DNAH8: variants seen among roughly 807,000 people sequenced by gnomAD.
DNAH8 encodes axonemal beta dynein heavy chain 8.
Under a neutral mutation model 562.1 loss-of-function variants are expected in DNAH8, and 382 were observed. The observed-to-expected ratio is 0.68, with a 90% CI of 0.63 to 0.74. The LOEUF (loss-of-function observed/expected upper bound fraction) is 0.74, where lower values mean the gene tolerates loss of function less well. DNAH8 is among the 30% of genes least tolerant of loss of function. DNAH8 has a pLI of 0.00. For missense variants in DNAH8, 5,203 were observed against 5,620.4 expected (o/e 0.93, Z 2.37); for synonymous variants, 1,881 against 1,919.4 (o/e 0.98, Z 0.52).
chr6:38,881,082 T>C (rs1449882505), intron 53 of DNAH8, among the ~76,000 whole-genome samples: 1 of 151,868 alleles, frequency 6.6e-6, no homozygotes, highest in Non-Finnish European at 1.5e-5. Flanking sequence ...GCCACTGGAA[T>C]GTCTACAGTT....
In DNAH8 at chr6:38,908,025, G is replaced by A. The variant is rs765343481; in HGVS notation, c.9418G>A (p.Glu3140Lys). The change falls in exon 64 of 93, where the codon GAG (glutamate) becomes AAG (lysine). Residue 3140 changes from glutamate to lysine, a missense_variant. This residue lies in a region of DNAH8 where 977 missense variants were observed against 1,061.8 expected (regional missense o/e 0.92). Coordinates refer to ENST00000327475, the MANE Select transcript of DNAH8 (RefSeq NM_001206927.2). Reference sequence around the variant, plus strand: ...AGGTCTGATTTCAGTGATGAAGAGGGAGCTACCTCGCCATCCTCCTACCTT... The same window carrying A: ...AGGTCTGATTTCAGTGATGAAGAGGAAGCTACCTCGCCATCCTCCTACCTT... The part of the protein sequence containing the change: ...TQGLISVMKR[E>K]LPRHPPTFDN... The A allele has an allele frequency of 1.3e-5, 21 of 1,612,668 alleles. 1 individual carries two copies. In the South Asian group the frequency reaches 2.3e-4, roughly 18 times the overall value.
At position 38,741,716 on chromosome 6, in the gene DNAH8, TATTG is replaced by T. The variant is rs771580014; in HGVS notation, c.1124_1127del (p.Ile375ArgfsTer5). 5.6e-6 allele frequency: 9 copies of T among 1,608,302 alleles called. No homozygotes were observed. The highest frequency in any genetic ancestry group is 7.6e-6 in the Non-Finnish European group (9 of 1,178,162). ...ATAAATTTTTTTGACTGCAGGTACTTATTGAGAGTGAGCAGATGAGAAAAGAAGC... is the reference window on the plus strand; with the variant it reads ...ATAAATTTTTTTGACTGCAGGTACTTAGAGTGAGCAGATGAGAAAAGAAGC... On this transcript the variant is annotated frameshift_variant, in exon 8 of 93. Transcript: ENST00000327475. LOFTEE classifies it high-confidence loss of function.
At chr6:38,876,302 G>A (rs913408150) in intron 53 of DNAH8, among the ~76,000 whole-genome samples, 1 of 152,148 alleles carries the variant, frequency 6.6e-6, no homozygotes, top group Non-Finnish European at 1.5e-5. Context: ...GCCGGGCCCA[G>A]CTCACTGCTC....
At chr6:38,743,560 C>G (rs551818018) in intron 8 of DNAH8, among the ~76,000 whole-genome samples, 2 of 152,244 alleles carry the variant, frequency 1.3e-5, no homozygotes, top group East Asian at 3.9e-4. Context: ...CCAACATTCC[C>G]CCTTCCCCCC....
chr6:38,991,775 A>G (rs1002019597), intron 88 of DNAH8, among the ~76,000 whole-genome samples: 2 of 151,758 alleles, frequency 1.3e-5, no homozygotes, highest in African/African-American at 4.8e-5. Flanking sequence ...ACTCCCTGGA[A>G]CCTCCCTCCT....
chr6:39,014,340 C>A (rs576540380), intron 91 of DNAH8, among the ~76,000 whole-genome samples: 2 of 152,182 alleles, frequency 1.3e-5, no homozygotes, highest in Non-Finnish European at 2.9e-5. Flanking sequence ...CTCTTTCCTC[C>A]GTATGAGCCT....
intron 82 of DNAH8, among the ~76,000 whole-genome samples, chr6:38,958,219 A>G (rs1013720431): frequency 6.6e-6 from 1 of 151,688 alleles, no homozygotes; most frequent in Admixed American, 6.6e-5. Context: ...GTTAGCCAGG[A>G]TGATATAGAT....
At chr6:38,867,515 C>A (rs1024025906) in intron 47 of DNAH8, among the ~76,000 whole-genome samples, 1 of 150,886 alleles carries the variant, frequency 6.6e-6, no homozygotes, top group Admixed American at 6.6e-5. Flanking sequence ...GAGGCCGAGG[C>A]GAGTGGATCA....
intron 58 of DNAH8, among the ~76,000 whole-genome samples, chr6:38,892,816 A>G (rs1035247903): frequency 3.9e-5 from 6 of 152,058 alleles, no homozygotes; most frequent in South Asian, 4.2e-4. Context: ...CCTGCCACCA[A>G]CCTGCTCCAG....
intron 70 of DNAH8, among the ~76,000 whole-genome samples, chr6:38,919,457 C>T (rs970355476): frequency 6.6e-6 from 1 of 152,020 alleles, no homozygotes. Context: ...TTTCATTTTG[C>T]ACTGGGCCCT....
At chr6:38,717,741 T>A (rs1294132936) in intron 1 of DNAH8, among the ~76,000 whole-genome samples, 4 of 152,178 alleles carry the variant, frequency 2.6e-5, no homozygotes, top group African/African-American at 7.2e-5. Flanking sequence ...TTCTTATTAA[T>A]AATTTATTGT....
At chr6:38,781,478 C>A in intron 16 of DNAH8, 105 bp downstream of exon 16, 2 of 1,308,204 alleles carry the variant, frequency 1.5e-6, no homozygotes, top group Non-Finnish European at 2.1e-6. Flanking sequence ...CAACAACGAG[C>A]CAATTCTTTT....
chr6:38,866,918 GT>G (rs760458333), intron 47 of DNAH8, 42 bp downstream of exon 47: 7 of 1,252,428 alleles, frequency 5.6e-6, no homozygotes, highest in Non-Finnish European at 5.7e-6. Flanking sequence ...ATAGTATTTG[GT>G]TTTTTTGCTT....
chr6:39,029,725 C>T (rs994916916), intron 92 of DNAH8, among the ~76,000 whole-genome samples: 4 of 152,128 alleles, frequency 2.6e-5, no homozygotes, highest in Non-Finnish European at 5.9e-5. Context: ...AGGCTGAGAT[C>T]CCACCTGACA....
chr6:38,844,144 A>G (rs1468014845), intron 35 of DNAH8, among the ~76,000 whole-genome samples: 2 of 152,106 alleles, frequency 1.3e-5, no homozygotes, highest in African/African-American at 4.8e-5. Flanking sequence ...ACCCCAGCCC[A>G]GGTACTCCTT....
At position 38,815,757 on chromosome 6, in the gene DNAH8, TA is replaced by T. The variant is rs1316986055; in HGVS notation, c.3523+106del. Reference sequence around the variant, plus strand: ...TTATATGTTTGATACCTTTTGCATTTAAAAAATAGTATGTTTCATCTTAAAC... The same window carrying T: ...TTATATGTTTGATACCTTTTGCATTTAAAAATAGTATGTTTCATCTTAAAC... On this transcript the variant is annotated intron_variant, in intron 26 of 92. Coordinates refer to ENST00000327475, the MANE Select transcript of DNAH8 (RefSeq NM_001206927.2). 3.6e-6 allele frequency: 4 copies of T among 1,109,452 alleles called. No homozygotes were observed. The East Asian group carries it at 1.1e-4, about 29-fold the overall frequency. The allele number at this position is 1,109,452 out of a possible 1,614,324, so 68.7% of individuals were successfully genotyped here.
chr6:38,886,706 C>T (rs554453724), intron 56 of DNAH8, 85 bp from the exon 57 acceptor site: 249 of 1,065,916 alleles, frequency 2.3e-4, no homozygotes, highest in Middle Eastern at 6.0e-4. Flanking sequence ...ATGTTTTCTT[C>T]TAATCTCATT....
chr6:38,982,232 T>A, intron 85 of DNAH8, 114 bp from the exon 86 acceptor site: 1 of 648,166 alleles, frequency 1.5e-6, no homozygotes, highest in African/African-American at 1.8e-5. Flanking sequence ...ATACTATTCT[T>A]TTAAACTAAT....
intron 88 of DNAH8, among the ~76,000 whole-genome samples, chr6:38,995,578 C>T (rs867030926): frequency 3.9e-5 from 6 of 152,172 alleles, no homozygotes; most frequent in African/African-American, 1.4e-4. Context: ...AATATTTTGT[C>T]AGTTGTGTTC....
Sources: gnomAD v4.1 joint callset for allele counts (sites outside exome capture counted in the v4.1 genomes callset) on GRCh38, gnomAD v4.1.1 for gene constraint, gnomAD v4.1.1 regional missense constraint, MANE v1.5 for transcripts, NCBI Gene and HGNC (gene_info 2026-07-23, HGNC 2026-07-21) for gene names.